Variants in AEBP2 observed in about 807,000 individuals in gnomAD.
AEBP2 encodes the protein zinc finger protein AEBP2.
AEBP2 carries 10 observed loss-of-function variants against 50.8 expected under a neutral mutation model. The ratio of observed to expected loss-of-function variants is 0.20; its 90% confidence interval spans 0.12 to 0.33. The LOEUF (loss-of-function observed/expected upper bound fraction) is 0.33. AEBP2 is among the 10% of genes least tolerant of loss of function. The pLI is 1.00. For synonymous variants in AEBP2, 296 were observed against 261.3 expected, an observed-to-expected ratio of 1.13 and a Z score of -1.28; for missense variants, 570 against 688.0, an observed-to-expected ratio of 0.83 and a Z score of 1.92.
chr12:19,441,401 C>A (rs1283102822), intron 1 of AEBP2, among the ~76,000 whole-genome samples: 1 of 152,120 alleles, frequency 6.6e-6, no homozygotes, highest in Non-Finnish European at 1.5e-5. Context: ...TATGCCACTT[C>A]TAAAGTGTAT....
At chr12:19,497,878 C>T (rs1840867834) in intron 4 of AEBP2, among the ~76,000 whole-genome samples, 1 of 152,142 alleles carries the variant, frequency 6.6e-6, no homozygotes, top group African/African-American at 2.4e-5. Flanking sequence ...TACTACTGCA[C>T]ATTATACAAA....
At chr12:19,407,774 C>T (rs1036002565) in intron 1 of AEBP2, among the ~76,000 whole-genome samples, 8 of 150,640 alleles carry the variant, frequency 5.3e-5, no homozygotes, top group Non-Finnish European at 7.4e-5. Context: ...AATGGCTGGA[C>T]GTGGTGGCTT....
In AEBP2 at chr12:19,440,039, G is replaced by C; in HGVS notation, c.340G>C (p.Gly114Arg). 6.6e-7 allele frequency: 1 copy of C among 1,524,318 alleles called. No individual in the cohort carries two copies. Among genetic ancestry groups the C allele is most frequent in the Non-Finnish European group, 8.8e-7 (1 of 1,141,760 alleles). 94.4% of individuals were successfully genotyped at this position (1,524,318 alleles called of 1,614,324 possible). ...EEEEDESSSS[G>R]GGEEESSAES... ...GGAGGAAGATGAGAGCAGCAGCAGC[G>C]GCGGGGGTGAGGAGGAGAGTAGCGC... Residue 114 changes from glycine (G) to arginine (R), a missense_variant, in exon 1 of 8, where the codon GGC becomes CGC. Physicochemically the swap from Gly to Arg is moderately radical, Grantham distance 125. Around this residue, in one of 2 missense-constraint regions of AEBP2, gnomAD observed 386 missense variants for 336.8 expected, o/e 1.15. Coordinates refer to ENST00000266508, the MANE Select transcript of AEBP2 (RefSeq NM_153207.5).
chr12:19,509,820 C>CTTTTTTTTT (rs57103167), intron 5 of AEBP2, among the ~76,000 whole-genome samples: 1 of 68,746 alleles, frequency 1.5e-5, no homozygotes, highest in Non-Finnish European at 2.6e-5. Flanking sequence ...TGGCTACTTT[C>CTTTTTTTTT]TTTTTTTTTT....
Position 19,452,036 on chromosome 12 carries a change from A to G in AEBP2, c.672-10474A>G, listed in dbSNP as rs11044570. On this transcript the variant is annotated intron_variant, in intron 1 of 7. Coordinates refer to ENST00000266508, the MANE Select transcript of AEBP2 (RefSeq NM_153207.5). ...CTCCTAAGTAGCTGGGATTACAGGC[A>G]TGCGCCCCCACACCCAGCTAATTTT... Among the ~76,000 whole-genome samples the G allele has an allele frequency of 1.3e-4, 20 of 152,252 alleles. No homozygotes were observed. The East Asian group carries it at 3.9e-3, about 29-fold the overall frequency.
Position 19,457,690 on chromosome 12 carries a change from C to T in AEBP2, c.672-4820C>T, listed in dbSNP as rs1477304247. 1.1e-5 allele frequency: 13 copies of T among 1,194,460 alleles called. No individual in the cohort carries two copies. The Admixed American group carries it at 1.1e-4, about 10-fold the overall frequency. 74.0% of individuals were successfully genotyped at this position (1,194,460 alleles called of 1,614,324 possible). ...AGTTTTCACAACACCTGTGTTCTGG[C>T]GGCAAACCCATTGTGAAAAGAAAAA... On this transcript the variant is annotated intron_variant, in intron 1 of 7. Coordinates refer to ENST00000266508, the MANE Select transcript of AEBP2 (RefSeq NM_153207.5).
intron 1 of AEBP2, among the ~76,000 whole-genome samples, chr12:19,447,893 G>A (rs1948101048): frequency 6.6e-6 from 1 of 152,188 alleles, no homozygotes; most frequent in Non-Finnish European, 1.5e-5. Flanking sequence ...TCGAATGCGA[G>A]GGTGCTGCTG....
In AEBP2 at chr12:19,505,889, C is replaced by G. The variant is rs113893369; in HGVS notation, c.1299+5668C>G. Reference sequence around the variant, plus strand: ...CTCCTGGGCTCAAGCAGTCCTCTCTCCTCAGTCTCCCAGGTAGTTTGGTCT... The same window carrying G: ...CTCCTGGGCTCAAGCAGTCCTCTCTGCTCAGTCTCCCAGGTAGTTTGGTCT... On this transcript the variant is annotated intron_variant, in intron 5 of 7. Transcript: ENST00000266508. Among the ~76,000 whole-genome samples the G allele has an allele frequency of 2.9e-3, 434 of 151,980 alleles. 1 individual carries two copies. The highest frequency in any genetic ancestry group is 9.9e-3 in the African/African-American group (410 of 41,460).
At chr12:19,457,446 T>A in intron 1 of AEBP2, 1 of 1,523,434 alleles carries the variant, frequency 6.6e-7, no homozygotes, top group Non-Finnish European at 8.9e-7. Flanking sequence ...GATACCACGT[T>A]CACGCTCAGC....
At chr12:19,405,707 C>A (rs1307248183) in intron 1 of AEBP2, among the ~76,000 whole-genome samples, 1 of 152,158 alleles carries the variant, frequency 6.6e-6, no homozygotes, top group Admixed American at 6.6e-5. Context: ...GACTGGCAGG[C>A]CCCTAACAGG....
At chr12:19,498,732 TATTATA>T (rs1220262225) in intron 4 of AEBP2, among the ~76,000 whole-genome samples, 1 of 152,182 alleles carries the variant, frequency 6.6e-6, no homozygotes, top group Non-Finnish European at 1.5e-5. Context: ...TAGAATAATT[TATTATA>T]ATTAGTGGGA....
intron 7 of AEBP2, among the ~76,000 whole-genome samples, chr12:19,515,250 A>G (rs966556209): frequency 3.9e-5 from 6 of 152,118 alleles, no homozygotes; most frequent in African/African-American, 1.2e-4. Context: ...ATTTCTAGTA[A>G]TTTTATGTTT....
intron 1 of AEBP2, among the ~76,000 whole-genome samples, chr12:19,455,640 G>C (rs979959771): frequency 2.6e-5 from 4 of 152,216 alleles, no homozygotes; most frequent in African/African-American, 9.6e-5. Flanking sequence ...ATGTATGAGT[G>C]AGACAGGCTT....
intron 1 of AEBP2, among the ~76,000 whole-genome samples, chr12:19,454,578 T>A (rs1227773366): frequency 6.6e-6 from 1 of 152,170 alleles, no homozygotes; most frequent in Non-Finnish European, 1.5e-5. Context: ...ATTCTGAAAT[T>A]CGTAGATTTT....
intron 5 of AEBP2, among the ~76,000 whole-genome samples, chr12:19,505,052 T>A (rs1949135461): frequency 6.6e-6 from 1 of 152,180 alleles, no homozygotes; most frequent in Admixed American, 6.5e-5. Flanking sequence ...AATACATTTA[T>A]CTAAATAAGG....
chr12:19,492,724 T>G (rs931168836), intron 3 of AEBP2, among the ~76,000 whole-genome samples: 4 of 152,136 alleles, frequency 2.6e-5, no homozygotes, highest in Non-Finnish European at 2.9e-5. Flanking sequence ...CCTAGCTCTG[T>G]GGGGGGCCTA....
In AEBP2 at chr12:19,457,319, T is replaced by G. The variant is rs558230278; in HGVS notation, c.672-5191T>G. The stretch of plus-strand genomic sequence containing the variant: ...AGGACAGCACAGTCAGCCTGAGATG[T>G]CCCTGTAATCATGTTTTTGATGAAG... On this transcript the variant is annotated intron_variant, in intron 1 of 7. Coordinates refer to ENST00000266508, the MANE Select transcript of AEBP2 (RefSeq NM_153207.5). 5.3e-6 allele frequency: 8 copies of G among 1,514,676 alleles called. No individual in the cohort carries two copies. The East Asian group carries it at 1.8e-4, about 34-fold the overall frequency. 93.8% of individuals were successfully genotyped at this position (1,514,676 alleles called of 1,614,324 possible). A position where few individuals can be genotyped will look rare whatever the true frequency, so the allele number is the denominator to read the frequency against.
chr12:19,511,735 A>T (rs1396967296), intron 5 of AEBP2, among the ~76,000 whole-genome samples: 4 of 152,032 alleles, frequency 2.6e-5, no homozygotes, highest in African/African-American at 9.7e-5. Flanking sequence ...TTGGGCCTGA[A>T]GTGCTCGAAG....
At chr12:19,457,271 C>A in intron 1 of AEBP2, 1 of 1,585,652 alleles carries the variant, frequency 6.3e-7, no homozygotes, top group South Asian at 1.1e-5. Flanking sequence ...GCTTCAAATT[C>A]ACCAACACTG....
Sources: allele counts gnomAD v4.1 joint callset (sites outside exome capture counted in the v4.1 genomes callset), GRCh38; gene constraint gnomAD v4.1.1; regional missense constraint gnomAD v4.1.1; transcripts MANE v1.5; gene names NCBI Gene and HGNC (gene_info 2026-07-23, HGNC 2026-07-21).